SLC4A4: variants seen among roughly 807,000 people sequenced by gnomAD.
The protein encoded by SLC4A4 is solute carrier family 4 member 4, also known as electrogenic sodium bicarbonate cotransporter 1.
Under a neutral mutation model 111.5 loss-of-function variants are expected in SLC4A4, and 27 were observed. The ratio of observed to expected loss-of-function variants is 0.24; its 90% CI spans 0.18 to 0.33. SLC4A4 has a LOEUF of 0.33. SLC4A4 is among the 10% of genes least tolerant of loss of function. The probability of loss-of-function intolerance (pLI) is 1.00; values close to 1 mark genes in which losing one functional copy is unlikely to be tolerated. For missense variants in SLC4A4, 909 were observed against 1,315.5 expected (o/e 0.69, Z 4.78); for synonymous variants, 443 against 463.4 (o/e 0.96, Z 0.57).
chr4:71,220,600 G>A (rs997222843), intron 1 of SLC4A4, among the ~76,000 whole-genome samples: 2 of 152,124 alleles, frequency 1.3e-5, no homozygotes, highest in African/African-American at 4.8e-5. Context: ...TTTTTAAACA[G>A]TTGATTTGTT....
chr4:71,096,434 C>T lies in SLC4A4; in HGVS notation c.-2+3642C>T, dbSNP rs1032128792. 3.9e-5 allele frequency among the ~76,000 whole-genome samples: 6 copies of T among 152,012 alleles called. No individual in the cohort carries two copies. In the East Asian group the frequency reaches 5.8e-4, roughly 15 times the overall value. On this transcript the variant is annotated intron_variant, in intron 2 of 26. Coordinates refer to the SLC4A4 transcript ENST00000649996. Reference sequence around the variant, plus strand: ...ATGAGAAGGACAGTTCAGAAAAAGACGGTGAATCGCAGAAGTGAAAGGAGA... The same window carrying T: ...ATGAGAAGGACAGTTCAGAAAAAGATGGTGAATCGCAGAAGTGAAAGGAGA...
intron 7 of SLC4A4, among the ~76,000 whole-genome samples, chr4:71,422,144 A>G: frequency 7.0e-6 from 1 of 142,080 alleles, no homozygotes; most frequent in Non-Finnish European, 1.5e-5. Context: ...ATAAAAAATG[A>G]TAAAGGGGAT....
rs988972013 is a variant in SLC4A4, at chr4:71,531,738, G to T, written c.2167-324G>T. Among the ~76,000 whole-genome samples, 13 of 143,980 alleles carry T rather than the reference G, an allele frequency of 9.0e-5. No homozygotes were observed. In the East Asian group the frequency reaches 2.5e-3, roughly 28 times the overall value. The allele number at this position is 143,980 out of a possible 152,430, so 94.5% of individuals were successfully genotyped here. On this transcript the variant is annotated intron_variant, in intron 16 of 25. Transcript: ENST00000264485. ...AGTATCTCAGGGGTACGTTCTATTT[G>T]ATTGCCCTCCCTGCCTACACACACA...
chr4:71,196,430 G>A (rs186149104), intron 1 of SLC4A4, among the ~76,000 whole-genome samples: 113 of 152,090 alleles, frequency 7.4e-4, no homozygotes, highest in African/African-American at 2.6e-3. Flanking sequence ...AATATATTAA[G>A]AAATGAAATA....
chr4:71,263,631 C>T (rs911053765), intron 3 of SLC4A4, among the ~76,000 whole-genome samples: 6 of 151,966 alleles, frequency 3.9e-5, no homozygotes, highest in Non-Finnish European at 7.4e-5. Context: ...TATAAATAAC[C>T]AAAGAACTGT....
At chr4:71,122,853 CAT>C (rs368533097) in intron 2 of SLC4A4, among the ~76,000 whole-genome samples, 19 of 152,232 alleles carry the variant, frequency 1.2e-4, no homozygotes, top group Non-Finnish European at 2.6e-4. Context: ...GTGTCTGCCT[CAT>C]GTCAATATGA....
chr4:71,241,331 C>T (rs1001112914), intron 2 of SLC4A4, among the ~76,000 whole-genome samples: 2 of 151,942 alleles, frequency 1.3e-5, no homozygotes, highest in Admixed American at 6.6e-5. Flanking sequence ...TTTTCATTCT[C>T]CTACTCTGTT....
At chr4:71,198,840 G>C (rs1295914490) in intron 1 of SLC4A4, among the ~76,000 whole-genome samples, 2 of 152,050 alleles carry the variant, frequency 1.3e-5, no homozygotes, top group South Asian at 4.1e-4. Context: ...AGAGAAGTAG[G>C]TTTAGCTTAA....
intron 7 of SLC4A4, among the ~76,000 whole-genome samples, chr4:71,433,667 G>T (rs1723848592): frequency 6.6e-6 from 1 of 152,080 alleles, no homozygotes; most frequent in Admixed American, 6.6e-5. Context: ...TTTGGCTTTT[G>T]TTGCTATTGC....
chr4:71,553,569 C>G (rs1736218566), intron 20 of SLC4A4, among the ~76,000 whole-genome samples: 1 of 151,770 alleles, frequency 6.6e-6, no homozygotes, highest in South Asian at 2.1e-4. Context: ...TCTTACTTTT[C>G]TTTCCTTCCA....
At chr4:71,473,181 T>A (rs1577988144) in intron 14 of SLC4A4, 2 of 695,226 alleles carry the variant, frequency 2.9e-6, no homozygotes, top group Non-Finnish European at 5.2e-6. Context: ...AGCTCTGGAA[T>A]GTGAACATAA....
intron 18 of SLC4A4, among the ~76,000 whole-genome samples, chr4:71,538,327 A>T (rs1182022828): frequency 6.6e-6 from 1 of 152,122 alleles, no homozygotes; most frequent in East Asian, 1.9e-4. Flanking sequence ...ATCAAGGTTT[A>T]TTAGGGTTTG....
At chr4:71,100,607 C>A (rs72858467) in intron 2 of SLC4A4, among the ~76,000 whole-genome samples, 2 of 151,992 alleles carry the variant, frequency 1.3e-5, no homozygotes, top group Non-Finnish European at 2.9e-5. Flanking sequence ...AGCAGTCAGA[C>A]AAGAGAAAGA....
At chr4:71,318,097 A>T (rs1234938341) in intron 3 of SLC4A4, among the ~76,000 whole-genome samples, 3 of 152,058 alleles carry the variant, frequency 2.0e-5, no homozygotes, top group Non-Finnish European at 4.4e-5. Flanking sequence ...AAAGAATAAA[A>T]ATAAAACTTG....
intron 2 of SLC4A4, among the ~76,000 whole-genome samples, chr4:71,170,761 G>T (rs1223115298): frequency 6.6e-6 from 1 of 152,192 alleles, no homozygotes; most frequent in Non-Finnish European, 1.5e-5. Flanking sequence ...GATGGTGTTG[G>T]TGACATTTAA....
chr4:71,364,386 T>C lies in SLC4A4; in HGVS notation c.730+7199T>C, dbSNP rs991829389. Among the ~76,000 whole-genome samples the C allele has an allele frequency of 9.8e-4, 150 of 152,344 alleles. 1 individual carries two copies. The highest frequency in any genetic ancestry group is 8.8e-4 in the Non-Finnish European group (60 of 68,032). On this transcript the variant is annotated intron_variant, in intron 6 of 25. Transcript: ENST00000264485. The stretch of plus-strand genomic sequence containing the variant: ...TGTGAAAATTATTAAATAAGCAGAA[T>C]GTGAGATACCATTGTGCTTTGGTGC...
At chr4:71,521,022 T>G (rs1235337341) in intron 16 of SLC4A4, among the ~76,000 whole-genome samples, 1 of 152,100 alleles carries the variant, frequency 6.6e-6, no homozygotes, top group Non-Finnish European at 1.5e-5. Context: ...GCACCTGGTC[T>G]GATCAAAATT....
At chr4:71,218,817 G>C (rs181287375) in intron 1 of SLC4A4, among the ~76,000 whole-genome samples, 1 of 151,932 alleles carries the variant, frequency 6.6e-6, no homozygotes, top group Admixed American at 6.6e-5. Context: ...TCTATAATTT[G>C]GCCACATTTT....
At chr4:71,295,656 TTTTC>T (rs1303458048) in intron 3 of SLC4A4, among the ~76,000 whole-genome samples, 2 of 150,574 alleles carry the variant, frequency 1.3e-5, no homozygotes, top group Non-Finnish European at 3.0e-5. Flanking sequence ...TCTCCTCTTC[TTTTC>T]TTTCTTTCTT....
Sources: gnomAD v4.1 joint callset for allele counts (sites outside exome capture counted in the v4.1 genomes callset) on GRCh38, gnomAD v4.1.1 for gene constraint, MANE v1.5 for transcripts, NCBI Gene and HGNC (gene_info 2026-07-23, HGNC 2026-07-21) for gene names.